PCDH11X: variants seen among roughly 807,000 people sequenced by gnomAD.
PCDH11X encodes protocadherin-11 X-linked.
PCDH11X carries 18 observed loss-of-function variants against 53.3 expected under a neutral mutation model. The ratio of observed to expected loss-of-function variants is 0.34; its 90% CI spans 0.23 to 0.50. The LOEUF is 0.50. Ranked by LOEUF, PCDH11X falls within the 20% of genes least tolerant of loss-of-function variation. The pLI is 0.98. For missense variants in PCDH11X, 570 were observed against 1,032.4 expected (o/e 0.55, Z 6.14); for synonymous variants, 279 against 393.3 (o/e 0.71, Z 3.44).
chrX:92,105,787 A>T (rs894248758), intron 6 of PCDH11X, among the ~76,000 whole-genome samples: 3 of 110,161 alleles, frequency 2.7e-5, no homozygotes, highest in Non-Finnish European at 5.7e-5. Flanking sequence ...TTTGTGGTGG[A>T]ATGTCATCAG....
intron 10 of PCDH11X, among the ~76,000 whole-genome samples, chrX:92,535,190 A>G (rs2074634486): frequency 8.9e-6 from 1 of 112,320 alleles, no homozygotes; most frequent in Admixed American, 9.4e-5. Flanking sequence ...CCAAAGGAAT[A>G]TAAATAATTC....
intron 4 of PCDH11X, among the ~76,000 whole-genome samples, chrX:91,822,927 A>C (rs1438174531): frequency 9.0e-6 from 1 of 110,805 alleles, no homozygotes; most frequent in Non-Finnish European, 1.9e-5. Context: ...TGATTTCGTT[A>C]TGTACCCAGT....
At chrX:92,096,531 A>T (rs1234949524) in intron 6 of PCDH11X, among the ~76,000 whole-genome samples, 1 of 108,254 alleles carries the variant, frequency 9.2e-6, no homozygotes. Flanking sequence ...GTCCATTTTC[A>T]TGCTGCTGAT....
chrX:92,480,373 T>C (rs1207718475), intron 10 of PCDH11X, among the ~76,000 whole-genome samples: 1 of 111,453 alleles, frequency 9.0e-6, no homozygotes. Flanking sequence ...TTCAGCCCAG[T>C]GAAGAACCGT....
chrX:92,548,863 A>G (rs1336552091), intron 10 of PCDH11X, among the ~76,000 whole-genome samples: 1 of 108,469 alleles, frequency 9.2e-6, no homozygotes, highest in Non-Finnish European at 1.9e-5. Context: ...TTAAATTATT[A>G]AAATTATGTC....
chrX:91,878,855 A>G lies in PCDH11X; in HGVS notation c.2615A>G (p.Lys872Arg). Residue 872 changes from lysine (K) to arginine (R), a missense_variant, in exon 6 of 11, where the codon AAG (lysine) becomes AGG (arginine). Physicochemically the swap from Lys to Arg is conservative, Grantham distance 26. Around this residue, in one of 6 missense-constraint regions of PCDH11X, gnomAD observed 226 missense variants for 457.5 expected, o/e 0.49. Coordinates refer to ENST00000682573, the MANE Select transcript of PCDH11X (RefSeq NM_032968.5). The stretch of plus-strand genomic sequence containing the variant: ...ATGATAATGATGAAGAAAAAGAAAA[A>G]GAAGAAGAAGCATTCCCCTAAGAAC... Reference protein sequence around the residue: ...RQMIMMKKKKKKKKHSPKNLL... With the variant: ...RQMIMMKKKKRKKKHSPKNLL... 1.7e-6 allele frequency: 2 copies of G among 1,211,631 alleles called. No homozygotes were observed. The highest frequency in any genetic ancestry group is 2.2e-6 in the Non-Finnish European group (2 of 895,451).
intron 8 of PCDH11X, among the ~76,000 whole-genome samples, chrX:92,274,832 G>A (rs1170802740): frequency 1.8e-5 from 2 of 110,028 alleles, no homozygotes; most frequent in South Asian, 3.9e-4. Context: ...AATAAATCAA[G>A]CATGATCAGG....
intron 6 of PCDH11X, among the ~76,000 whole-genome samples, chrX:91,993,315 G>A (rs2062357313): frequency 8.9e-6 from 1 of 112,716 alleles, no homozygotes; most frequent in South Asian, 3.6e-4. Flanking sequence ...TGTGTTAACA[G>A]TAGACTGGTT....
chrX:92,360,060 A>G (rs1302758313), intron 8 of PCDH11X, among the ~76,000 whole-genome samples: 1 of 111,001 alleles, frequency 9.0e-6, no homozygotes, highest in African/African-American at 3.3e-5. Context: ...TTTAAAATAA[A>G]TTATCTGAAT....
At chrX:92,177,819 A>T (rs1303566828) in intron 6 of PCDH11X, among the ~76,000 whole-genome samples, 2 of 111,087 alleles carry the variant, frequency 1.8e-5, no homozygotes, top group African/African-American at 6.5e-5. Context: ...CTATATGTAC[A>T]CAATTATACA....
At chrX:92,329,067 T>C (rs190146981) in intron 8 of PCDH11X, among the ~76,000 whole-genome samples, 351 of 110,942 alleles carry the variant, frequency 3.2e-3, no homozygotes, top group Non-Finnish European at 5.2e-3. Context: ...TCCAACAGTA[T>C]ACGAAAAGGA....
rs775026285 is a variant in PCDH11X at position 91,784,046 on chromosome X, T to G, written c.-379+4362T>G. Among the ~76,000 whole-genome samples the G allele has an allele frequency of 5.3e-5, 6 of 112,272 alleles. No homozygotes were observed. The South Asian group carries it at 2.2e-3, about 42-fold the overall frequency. On this transcript the variant is annotated intron_variant, in intron 1 of 10. Transcript: ENST00000682573. ...CTGGAAGGTCATGCCCTGTACAGAA[T>G]AAGTAAGGAAGGGCATGAGGGCTTG...
intron 6 of PCDH11X, among the ~76,000 whole-genome samples, chrX:92,065,064 CT>C (rs2063586924): frequency 2.0e-5 from 2 of 101,620 alleles, no homozygotes; most frequent in African/African-American, 4.0e-5. Context: ...ACCCCATTGC[CT>C]GAGGGTGGAT....
chrX:92,046,027 C>G (rs2063282819), intron 6 of PCDH11X, among the ~76,000 whole-genome samples: 1 of 110,809 alleles, frequency 9.0e-6, no homozygotes, highest in South Asian at 3.9e-4. Flanking sequence ...CACTGTATTT[C>G]TAACCATTGC....
At chrX:92,190,845 G>A (rs1215881948) in intron 6 of PCDH11X, among the ~76,000 whole-genome samples, 3 of 111,237 alleles carry the variant, frequency 2.7e-5, no homozygotes, top group African/African-American at 6.5e-5. Flanking sequence ...AAAATCTGAC[G>A]TGAAATAAAC....
chrX:91,818,685 C>A (rs1410433507), intron 4 of PCDH11X, among the ~76,000 whole-genome samples: 1 of 96,583 alleles, frequency 1.0e-5, no homozygotes, highest in South Asian at 4.8e-4. Context: ...GGTGACAGAG[C>A]GAGACTCTAT....
chrX:91,849,583 T>G (rs1228128147), intron 5 of PCDH11X, among the ~76,000 whole-genome samples: 2 of 108,641 alleles, frequency 1.8e-5, no homozygotes, highest in Non-Finnish European at 3.8e-5. Flanking sequence ...AATGTCTATT[T>G]CAGAAGTTAA....
Position 91,905,582 on chromosome X carries a change from A to G in PCDH11X, c.3033+26309A>G, listed in dbSNP as rs775468172. On this transcript the variant is annotated intron_variant, in intron 6 of 10. Coordinates refer to ENST00000682573, the MANE Select transcript of PCDH11X (RefSeq NM_032968.5). Reference sequence around the variant, plus strand: ...TGTATAAAAGTAATTTTATAGAGAAATTCAGTTTACAAAGTTTAGATTTAT... The same window carrying G: ...TGTATAAAAGTAATTTTATAGAGAAGTTCAGTTTACAAAGTTTAGATTTAT... 5.4e-5 allele frequency among the ~76,000 whole-genome samples: 6 copies of G among 111,568 alleles called. No individual in the cohort carries two copies. The East Asian group carries it at 1.7e-3, about 31-fold the overall frequency.
intron 10 of PCDH11X, among the ~76,000 whole-genome samples, chrX:92,538,769 G>T (rs184693748): frequency 4.9e-5 from 5 of 101,922 alleles, no homozygotes; most frequent in African/African-American, 1.8e-4. Context: ...ATTTTTGATT[G>T]GTTCATCATT....
Sources: allele counts gnomAD v4.1 joint callset (sites outside exome capture counted in the v4.1 genomes callset), GRCh38; gene constraint gnomAD v4.1.1; regional missense constraint gnomAD v4.1.1; transcripts MANE v1.5; gene names NCBI Gene and HGNC (gene_info 2026-07-23, HGNC 2026-07-21).